Variants in PTPRM observed in about 807,000 individuals in gnomAD.
The protein encoded by PTPRM is protein tyrosine phosphatase receptor type M, also known as receptor-type tyrosine-protein phosphatase mu.
Under a neutral mutation model 186.7 loss-of-function variants are expected in PTPRM, and 47 were observed. The ratio of observed to expected loss-of-function variants is 0.25; its 90% confidence interval spans 0.20 to 0.32. PTPRM has a LOEUF of 0.32. Among genes scored for constraint, PTPRM ranks in the 10% least tolerant of loss-of-function variants. PTPRM has a pLI of 1.00. For synonymous variants in PTPRM, 668 were observed against 674.9 expected (o/e 0.99, Z 0.16); for missense variants, 1,494 against 1,865.0 (o/e 0.80, Z 3.66).
At chr18:8,152,712 C>CTTTTTTTTTT (rs35112154) in intron 14 of PTPRM, among the ~76,000 whole-genome samples, 6 of 56,924 alleles carry the variant, frequency 1.1e-4, no homozygotes, top group African/African-American at 1.5e-4. Flanking sequence ...TGCCTCACCT[C>CTTTTTTTTTT]TTTTTTTTTT....
chr18:8,238,651 G>GTGT (rs539488422), intron 14 of PTPRM, among the ~76,000 whole-genome samples: 3 of 25,754 alleles, frequency 1.2e-4, no homozygotes, highest in Admixed American at 5.7e-4. Context: ...TGTTTTGTGT[G>GTGT]TTTTTTTTTT....
chr18:7,989,411 AAT>A (rs1023826117), intron 7 of PTPRM, among the ~76,000 whole-genome samples: 2 of 152,190 alleles, frequency 1.3e-5, no homozygotes, highest in African/African-American at 4.8e-5. Context: ...AGTGCATGTT[AAT>A]GTTTATTTCT....
Position 7,633,442 on chromosome 18 carries a change from C to A in PTPRM, c.73+65551C>A, listed in dbSNP as rs1417998239. Among the ~76,000 whole-genome samples the A allele has an allele frequency of 4.6e-5, 7 of 152,118 alleles. No individual in the cohort carries two copies. In the South Asian group the frequency reaches 1.5e-3, roughly 32 times the overall value. On this transcript the variant is annotated intron_variant, in intron 1 of 32. Transcript: ENST00000580170. The stretch of plus-strand genomic sequence containing the variant: ...CATCCTTTCTGGTTTCTTCAAGTCT[C>A]CAAATGCCTTCCCTTCCCCTCATTC...
intron 14 of PTPRM, among the ~76,000 whole-genome samples, chr18:8,204,951 A>G (rs7238378): frequency 0.04 from 6,039 of 152,094 alleles, 373 homozygotes; most frequent in African/African-American, 0.14. Flanking sequence ...ATGCATTTGG[A>G]GACATGAAAT....
At chr18:7,957,627 G>T (rs79861960) in intron 7 of PTPRM, among the ~76,000 whole-genome samples, 1 of 152,184 alleles carries the variant, frequency 6.6e-6, no homozygotes, top group Non-Finnish European at 1.5e-5. Context: ...AGAGGGGAAG[G>T]CATGTTAGGT....
intron 2 of PTPRM, among the ~76,000 whole-genome samples, chr18:7,798,924 A>AT (rs1289844697): frequency 6.6e-6 from 1 of 152,042 alleles, no homozygotes; most frequent in Non-Finnish European, 1.5e-5. Context: ...TAATTTGTCC[A>AT]TTTTTGCACC....
intron 7 of PTPRM, among the ~76,000 whole-genome samples, chr18:7,993,998 G>A (rs148987192): frequency 1.3e-3 from 193 of 152,060 alleles, no homozygotes; most frequent in African/African-American, 4.4e-3. Context: ...AAATCTCCCA[G>A]TTAAAAGATA....
chr18:7,672,353 T>C (rs950731386), intron 1 of PTPRM, among the ~76,000 whole-genome samples: 1 of 152,206 alleles, frequency 6.6e-6, no homozygotes, highest in Non-Finnish European at 1.5e-5. Flanking sequence ...TAGTATTTGG[T>C]TGGCTTTACT....
intron 14 of PTPRM, among the ~76,000 whole-genome samples, chr18:8,187,013 G>A (rs1270414772): frequency 4.6e-5 from 7 of 151,156 alleles, no homozygotes; most frequent in East Asian, 3.9e-4. Context: ...TGATCTTGGC[G>A]CACTGCAACC....
intron 3 of PTPRM, among the ~76,000 whole-genome samples, chr18:7,905,623 C>T (rs762830574): frequency 1.3e-5 from 2 of 152,104 alleles, no homozygotes; most frequent in Admixed American, 6.5e-5. Flanking sequence ...TCCCAATTCT[C>T]CCCTTGAAGG....
At chr18:8,284,543 A>C (rs533854450) in intron 19 of PTPRM, among the ~76,000 whole-genome samples, 87 of 152,252 alleles carry the variant, frequency 5.7e-4, no homozygotes, top group African/African-American at 2.0e-3. Flanking sequence ...CCCTCCATGT[A>C]AAATGTCTAT....
chr18:7,586,040 C>T (rs1408037631), intron 1 of PTPRM, among the ~76,000 whole-genome samples: 2 of 152,134 alleles, frequency 1.3e-5, no homozygotes, highest in Non-Finnish European at 2.9e-5. Context: ...CTCATAACAA[C>T]CTAAATTACC....
intron 7 of PTPRM, among the ~76,000 whole-genome samples, chr18:8,032,239 G>C (rs2086025914): frequency 1.3e-5 from 2 of 152,264 alleles, no homozygotes; most frequent in Non-Finnish European, 2.9e-5. Flanking sequence ...ACTTGGGCAA[G>C]TCTCCTTATA....
intron 12 of PTPRM, among the ~76,000 whole-genome samples, chr18:8,114,484 G>A (rs977395572): frequency 2.0e-5 from 3 of 152,014 alleles, no homozygotes; most frequent in Non-Finnish European, 4.4e-5. Context: ...GTTTGCTCAG[G>A]GGCAAAGTAC....
chr18:7,779,178 A>G (rs1228052064), intron 2 of PTPRM, among the ~76,000 whole-genome samples: 8 of 152,222 alleles, frequency 5.3e-5, no homozygotes, highest in Admixed American at 3.3e-4. Context: ...TTTATAGTCT[A>G]TGTTGTCCCC....
chr18:8,313,892 C>G (rs929607707), intron 20 of PTPRM, among the ~76,000 whole-genome samples: 1 of 152,018 alleles, frequency 6.6e-6, no homozygotes, highest in Non-Finnish European at 1.5e-5. Context: ...TGGCTGACAC[C>G]TATAATCCTA....
chr18:8,095,334 A>G (rs551329886), intron 11 of PTPRM, among the ~76,000 whole-genome samples: 5 of 152,184 alleles, frequency 3.3e-5, no homozygotes, highest in Admixed American at 2.6e-4. Context: ...GATGTGGAGT[A>G]TGTTGCCAGG....
At chr18:7,941,954 A>G (rs1462326021) in intron 5 of PTPRM, among the ~76,000 whole-genome samples, 32 of 152,240 alleles carry the variant, frequency 2.1e-4, no homozygotes, top group Admixed American at 2.1e-3. Context: ...TGAAATCCCT[A>G]TAACAAAAGA....
intron 1 of PTPRM, among the ~76,000 whole-genome samples, chr18:7,635,688 C>G (rs1056439717): frequency 1.3e-5 from 2 of 152,142 alleles, no homozygotes; most frequent in African/African-American, 4.8e-5. Flanking sequence ...TCATATTGAG[C>G]CCAAACATGG....
Sources: allele counts gnomAD v4.1 joint callset (sites outside exome capture counted in the v4.1 genomes callset), GRCh38; gene constraint gnomAD v4.1.1; transcripts MANE v1.5; gene names NCBI Gene and HGNC (gene_info 2026-07-23, HGNC 2026-07-21).